RIMS3: variants seen among roughly 807,000 people sequenced by gnomAD.
RIMS3 encodes the protein regulating synaptic membrane exocytosis 3, also known as regulating synaptic membrane exocytosis protein 3.
A neutral mutation model predicts 29.2 loss-of-function variants in RIMS3; 15 were observed. That is an observed-to-expected ratio of 0.51 (90% CI 0.34 to 0.79). The LOEUF (loss-of-function observed/expected upper bound fraction) is 0.79. Ranked by LOEUF, RIMS3 falls within the 30% of genes least tolerant of loss-of-function variation. The probability of loss-of-function intolerance (pLI) is 0.01; values close to 1 mark genes in which losing one functional copy is unlikely to be tolerated. For missense variants in RIMS3, 342 were observed against 421.4 expected (o/e 0.81, Z 1.65); for synonymous variants, 161 against 170.1 (o/e 0.95, Z 0.41).
In RIMS3 at chr1:40,629,277, G is replaced by A. The variant is rs1179062382; in HGVS notation, c.568C>T (p.Leu190Phe). The A allele has an allele frequency of 1.2e-6, 2 of 1,613,918 alleles. No homozygotes were observed. The highest frequency in any genetic ancestry group is 3.3e-5 in the Admixed American group (2 of 60,012). Reference protein sequence around the residue: ...GLTPKPGSKSLPATYIKVYLL... With the variant: ...GLTPKPGSKSFPATYIKVYLL... ...CATTTCCAAAATCCCTCACCTGGGAGGGATTTGGAGCCTGGTTTGGGGGTC... is the reference window on the plus strand; with the variant it reads ...CATTTCCAAAATCCCTCACCTGGGAAGGATTTGGAGCCTGGTTTGGGGGTC... Residue 190 changes from leucine to phenylalanine, a missense_variant, in exon 6 of 8, where the codon CTC (leucine) becomes TTC (phenylalanine). Transcript: ENST00000372684.
At chr1:40,687,530 A>G in the RIMS3 span, 1 of 147,878 alleles carries the variant, frequency 6.8e-6, no homozygotes, top group Non-Finnish European at 1.5e-5. Context: ...TGAACCCGAG[A>G]GGCGGAGGTC....
intron 2 of RIMS3, among the ~76,000 whole-genome samples, chr1:40,643,210 C>A (rs902923343): frequency 6.6e-6 from 1 of 151,924 alleles, no homozygotes; most frequent in Admixed American, 6.6e-5. Flanking sequence ...CGGCTCACTG[C>A]AACCTTTGCC....
chr1:40,651,388 G>T (rs1194891027), intron 1 of RIMS3, among the ~76,000 whole-genome samples: 1 of 152,212 alleles, frequency 6.6e-6, no homozygotes, highest in African/African-American at 2.4e-5. Context: ...CAGAAGCCAG[G>T]GGAGGGGCAC....
the RIMS3 span, chr1:40,691,651 C>G: frequency 4.6e-5 from 20 of 437,774 alleles, no homozygotes; most frequent in East Asian, 1.7e-3. Flanking sequence ...GCGCACCGCA[C>G]GATACTGGGA....
rs571956654 is a variant in RIMS3, at chr1:40,659,302, G to A, written c.-207+6092C>T. ...AAGCAGGGAAGACAGGCAGTCAGGCGCACATCATAAAGGGCTTTGAATACC... is the reference window on the plus strand; with the variant it reads ...AAGCAGGGAAGACAGGCAGTCAGGCACACATCATAAAGGGCTTTGAATACC... On this transcript the variant is annotated intron_variant, in intron 1 of 7. Transcript: ENST00000372684. Among the ~76,000 whole-genome samples, 7 of 152,268 alleles carry A rather than the reference G, an allele frequency of 4.6e-5. No homozygotes were observed. In the South Asian group the frequency reaches 8.3e-4, roughly 18 times the overall value.
the RIMS3 span, among the ~76,000 whole-genome samples, chr1:40,683,136 G>A: frequency 1.3e-5 from 2 of 152,048 alleles, no homozygotes; most frequent in Admixed American, 1.3e-4. Context: ...ATGGGGACTC[G>A]AACTCAGGCT....
chr1:40,691,913 G>A, the RIMS3 span: 1 of 342,902 alleles, frequency 2.9e-6, no homozygotes, highest in East Asian at 1.2e-4. Flanking sequence ...ATAGGGAAGC[G>A]GCGGCGGGGG....
At chr1:40,690,441 A>G in the RIMS3 span, 1 of 152,046 alleles carries the variant, frequency 6.6e-6, no homozygotes, top group Non-Finnish European at 1.5e-5. Flanking sequence ...AGCTCTTACC[A>G]GTAACTTCTT....
the RIMS3 span, among the ~76,000 whole-genome samples, chr1:40,675,610 T>C: frequency 2.6e-5 from 4 of 151,730 alleles, no homozygotes; most frequent in African/African-American, 9.7e-5. Flanking sequence ...ATACAAAAAT[T>C]AGCCAGTCGT....
chr1:40,660,143 T>G lies in RIMS3; in HGVS notation c.-207+5251A>C, dbSNP rs554159374. On this transcript the variant is annotated intron_variant, in intron 1 of 7. Coordinates refer to ENST00000372684, the MANE Select transcript of RIMS3 (RefSeq NM_014747.3). ...ATTCAGGAGGACTAACAGGGCTTGC[T>G]GAGGACTGGTTATAGGGGTGTGGGA... is the stretch of plus-strand genomic sequence containing the variant. Among the ~76,000 whole-genome samples, 474 of 152,156 alleles carry G rather than the reference T, an allele frequency of 3.1e-3. 3 individuals are homozygous for G. The highest frequency in any genetic ancestry group is 0.014 in the Middle Eastern group (4 of 294).
intron 5 of RIMS3, among the ~76,000 whole-genome samples, chr1:40,629,759 T>TC (rs1646477733): frequency 6.6e-6 from 1 of 151,984 alleles, no homozygotes; most frequent in Non-Finnish European, 1.5e-5. Flanking sequence ...GTTCTTCACC[T>TC]CCCCATACAT....
At chr1:40,668,816 GC>G (rs1277812208), upstream of RIMS3, among the ~76,000 whole-genome samples, 1 of 152,128 alleles carries the variant, frequency 6.6e-6, no homozygotes, top group East Asian at 1.9e-4. Flanking sequence ...TATCCTGGTT[GC>G]CCCCTACCCT....
rs547924962 is a variant in RIMS3 at position 40,626,310 on chromosome 1, T to C, written c.*207A>G. On this transcript the variant is annotated 3_prime_UTR_variant, in exon 8 of 8. Coordinates refer to ENST00000372684, the MANE Select transcript of RIMS3 (RefSeq NM_014747.3). ...GACTATACCCAGACAAATGAACAGA[T>C]AGAACGTGGTCACGTACACACACAC... is the stretch of plus-strand genomic sequence containing the variant. 1.2e-4 allele frequency: 77 copies of C among 617,400 alleles called. No homozygotes were observed. The East Asian group carries it at 1.9e-3, about 15-fold the overall frequency. The allele number at this position is 617,400 out of a possible 1,614,324, so 38.2% of individuals were successfully genotyped here. A position where few individuals can be genotyped will look rare whatever the true frequency, so the allele number is the denominator to read the frequency against.
chr1:40,665,797 C>T (rs910170863), upstream of RIMS3: 1 of 152,774 alleles, frequency 6.5e-6, no homozygotes, highest in Non-Finnish European at 1.5e-5. Flanking sequence ...CTAGGGGAAT[C>T]CGGGGAGTTT....
the RIMS3 span, among the ~76,000 whole-genome samples, chr1:40,679,823 T>C: frequency 6.6e-6 from 1 of 152,046 alleles, no homozygotes; most frequent in Admixed American, 6.6e-5. Context: ...CTGGGAGCTG[T>C]TGACAATCCT....
Position 40,628,909 on chromosome 1 carries a change from G to A in RIMS3, c.615C>T (p.Cys205=), listed in dbSNP as rs1314082863. ...TCATCTTTGTCTTCTTCTTGGCCAA[G>A]CAGGCCCCATTCTCCAGCAGGTAAA... ...IKVYLLENGA[C]LAKKKTKMTK... is the part of the protein sequence containing the mutation. Residue 205 remains cysteine (C), a synonymous_variant, in exon 7 of 8, where the codon TGC becomes TGT. Transcript: ENST00000372684. 1 of 1,613,632 alleles carries A rather than the reference G, an allele frequency of 6.2e-7. No homozygotes were observed. Among genetic ancestry groups the A allele is most frequent in the Non-Finnish European group, 8.5e-7 (1 of 1,180,024 alleles).
the RIMS3 span, chr1:40,691,647 C>G: frequency 2.3e-6 from 1 of 433,612 alleles, no homozygotes; most frequent in South Asian, 1.6e-5. Flanking sequence ...TTCTGCGCAC[C>G]GCACGATACT....
At chr1:40,681,368 A>AT in the RIMS3 span, 1 of 151,512 alleles carries the variant, frequency 6.6e-6, no homozygotes, top group Non-Finnish European at 1.5e-5. Context: ...TCAGAAGTGG[A>AT]TTTTGACCCC....
chr1:40,663,864 G>A (rs1409562951), intron 1 of RIMS3, among the ~76,000 whole-genome samples: 1 of 152,184 alleles, frequency 6.6e-6, no homozygotes, highest in Non-Finnish European at 1.5e-5. Flanking sequence ...TCAGCAGTTA[G>A]CTGCTGAGCC....
Sources: gnomAD v4.1 joint callset for allele counts (sites outside exome capture counted in the v4.1 genomes callset) on GRCh38, gnomAD v4.1.1 for gene constraint, MANE v1.5 for transcripts, NCBI Gene and HGNC (gene_info 2026-07-23, HGNC 2026-07-21) for gene names.